ANKLE1: variants seen among roughly 807,000 people sequenced by gnomAD.
ANKLE1 encodes structure-specific endonuclease ANKLE1.
ANKLE1 carries 59 observed loss-of-function variants against 56.2 expected under a neutral mutation model. The ratio of observed to expected loss-of-function variants is 1.05; its 90% confidence interval spans 0.85 to 1.30. ANKLE1 has a LOEUF of 1.30. Among genes scored for constraint, ANKLE1 ranks in the 50% most tolerant of loss-of-function variants. The pLI, the probability that ANKLE1 is intolerant of heterozygous loss-of-function variation, is 0.00. For synonymous variants in ANKLE1, 341 were observed against 352.9 expected (o/e 0.97, Z 0.38); for missense variants, 771 against 816.1 (o/e 0.94, Z 0.67).
chr19:17,282,931 A>G lies in ANKLE1; in HGVS notation c.389A>G (p.Asp130Gly). 1 of 1,572,142 alleles carries G rather than the reference A, an allele frequency of 6.4e-7. No individual in the cohort carries two copies. The highest frequency in any genetic ancestry group is 8.6e-7 in the Non-Finnish European group (1 of 1,164,998). The change falls in exon 4 of 9, where the codon GAT (aspartate) becomes GGT (glycine). Residue 130 changes from aspartate (D) to glycine (G), a missense_variant. Coordinates refer to ENST00000404085, the MANE Select transcript of ANKLE1 (RefSeq NM_152363.6). ...GHLECARVLQDLDTRTRTRTR... is the reference protein window; with the variant it reads ...GHLECARVLQGLDTRTRTRTR... Reference sequence around the variant, plus strand: ...CTGGAGTGCGCGCGAGTCCTGCAGGATCTCGACACGCGGACCAGGACCCGG... The same window carrying G: ...CTGGAGTGCGCGCGAGTCCTGCAGGGTCTCGACACGCGGACCAGGACCCGG...
rs1220384463 is a variant in ANKLE1, at chr19:17,283,016, G to T, written c.460+14G>T. 1.9e-6 allele frequency: 3 copies of T among 1,554,472 alleles called. No homozygotes were observed. The highest frequency in any genetic ancestry group is 1.4e-5 in the African/African-American group (1 of 73,862). On this transcript the variant is annotated intron_variant, in intron 4 of 8. Transcript: ENST00000404085. ...CTGCACCTGGCAGTGAGTAGGGCCT[G>T]CAGGGCTGCTGGGGCTTGACTTCTG... is the stretch of plus-strand genomic sequence containing the variant.
At chr19:17,285,949 A>G (rs939918730) in intron 8 of ANKLE1, 130 bp downstream of exon 8, 10 of 1,295,630 alleles carry the variant, frequency 7.7e-6, no homozygotes, top group East Asian at 2.5e-5. Flanking sequence ...TTGAACCTGC[A>G]CATGCATGTA....
At chr19:17,284,405 C>T (rs561796820) in intron 6 of ANKLE1, 139 bp downstream of exon 6, 75 of 953,906 alleles carry the variant, frequency 7.9e-5, no homozygotes, top group South Asian at 1.4e-4. Flanking sequence ...TTTTTTAAGA[C>T]GGAGTTTCAC....
rs149727291 is a variant in ANKLE1 at position 17,285,534 on chromosome 19, C to T, written c.1480C>T (p.Arg494Trp). ...IFYVGKGTRA[R>W]PYVHLWEALG... is the part of the protein sequence containing the mutation. ...CTACGTGGGCAAAGGGACGAGGGCC[C>T]GGCCATATGTCCACCTCTGGGAGGC... Residue 494 changes from arginine (R) to tryptophan (W), a missense_variant, in exon 7 of 9, where the codon CGG (arginine) becomes TGG (tryptophan). Physicochemically the swap from Arg to Trp is moderately radical, Grantham distance 101. Transcript: ENST00000404085. 158 of 1,613,798 alleles carry T rather than the reference C, an allele frequency of 9.8e-5. No homozygotes were observed. Among genetic ancestry groups the T allele is most frequent in the African/African-American group, 5.7e-4 (43 of 74,900 alleles).
Position 17,283,910 on chromosome 19 carries a change from C to T in ANKLE1, c.1146C>T (p.Pro382=). 1 of 1,612,378 alleles carries T rather than the reference C, an allele frequency of 6.2e-7. No individual in the cohort carries two copies. Among genetic ancestry groups the T allele is most frequent in the South Asian group, 1.1e-5 (1 of 91,028 alleles). Residue 382 remains proline (P), a synonymous_variant, in exon 5 of 9, where the codon CCC becomes CCT. Coordinates refer to ENST00000404085, the MANE Select transcript of ANKLE1 (RefSeq NM_152363.6). ...ALGENPHPIT[P]FTRQLYHQQL... is the part of the protein sequence containing the mutation. The stretch of plus-strand genomic sequence containing the variant: ...GTGAGAATCCTCACCCCATCACACC[C>T]TTCACCAGGCAGTTGTACCACCAGC...
rs143197058 is a variant in ANKLE1, at chr19:17,283,589, G to A, written c.825G>A (p.Leu275=). The A allele has an allele frequency of 9.9e-6, 16 of 1,612,104 alleles. No individual in the cohort carries two copies. In the African/African-American group the frequency reaches 2.0e-4, roughly 20 times the overall value. ...CGGAGGCAGAACTGAATGCCCGTCT[G>A]CAGGCCCTGACTCTGACCCCACCAA... ...QGTEAELNAR[L]QALTLTPPNA... is the part of the protein sequence containing the mutation. Residue 275 remains leucine (L), a synonymous_variant, in exon 5 of 9, where the codon CTG becomes CTA. Coordinates refer to ENST00000404085, the MANE Select transcript of ANKLE1 (RefSeq NM_152363.6).
chr19:17,284,369 A>G (rs2074009409), intron 6 of ANKLE1, 103 bp downstream of exon 6: 1 of 1,137,918 alleles, frequency 8.8e-7, no homozygotes, highest in African/African-American at 1.6e-5. Context: ...TAGAATCATC[A>G]GCTGCTTCTT....
Position 17,286,399 on chromosome 19 carries a change from C to T in ANKLE1, c.1695C>T (p.Asn565=), listed in dbSNP as rs113606251. The change falls in exon 9 of 9, where the codon AAC becomes AAT. Residue 565 remains asparagine, a synonymous_variant. Coordinates refer to ENST00000404085, the MANE Select transcript of ANKLE1 (RefSeq NM_152363.6). ...CTCCAGGGATCCAGACGCTCACCAA[C>T]CAGAAGCAAGGGCACTGCTATGGAG... ...VEALGIQTLT[N]QKQGHCYGVV... is the part of the protein sequence containing the mutation. 67 of 1,578,036 alleles carry T rather than the reference C, an allele frequency of 4.2e-5. No individual in the cohort carries two copies. The African/African-American group carries it at 8.1e-4, about 19-fold the overall frequency.
Position 17,283,973 on chromosome 19 carries a change from C to T in ANKLE1, c.1198+11C>T. 6.3e-7 allele frequency: 1 copy of T among 1,597,458 alleles called. No individual in the cohort carries two copies. The highest frequency in any genetic ancestry group is 2.2e-5 in the East Asian group (1 of 44,690). Reference sequence around the variant, plus strand: ...CCCAGATTGCTCCTGGTTAGTCTTCCCAGGGCACATGGAGTCCAGGGAGCC... The same window carrying T: ...CCCAGATTGCTCCTGGTTAGTCTTCTCAGGGCACATGGAGTCCAGGGAGCC... On this transcript the variant is annotated intron_variant, in intron 5 of 8. Transcript: ENST00000404085.
Position 17,285,743 on chromosome 19 carries a change from T to C in ANKLE1, c.1599T>C (p.Val533=). The change falls in exon 8 of 9, where the codon GTT becomes GTC. Residue 533 remains valine (V), a synonymous_variant. Transcript: ENST00000404085. ...ACATCTGGGCCAGTGGTTGCGGTGT[T>C]GTGTCCCTACATTGCTTCCAGCACG... The part of the protein sequence containing the change: ...ILDIWASGCG[V]VSLHCFQHVV... 6.2e-7 allele frequency: 1 copy of C among 1,613,944 alleles called. No homozygotes were observed. The highest frequency in any genetic ancestry group is 8.5e-7 in the Non-Finnish European group (1 of 1,179,876).
chr19:17,284,575 G>A (rs2074012019), intron 6 of ANKLE1, among the ~76,000 whole-genome samples: 3 of 151,628 alleles, frequency 2.0e-5, no homozygotes, highest in African/African-American at 7.3e-5. Flanking sequence ...GTAGAGACGA[G>A]GTTTCACCAT....
At chr19:17,282,491 G>A (rs1189878399) in intron 2 of ANKLE1, 165 bp from the exon 3 acceptor site, 3 of 863,550 alleles carry the variant, frequency 3.5e-6, no homozygotes, top group Admixed American at 4.3e-5. Context: ...AGAGGTTTGG[G>A]TCCTGGCCTG....
rs111235808 is a variant in ANKLE1 at position 17,283,256 on chromosome 19, G to T, written c.492G>T (p.Thr164=). ...TPGLSGPTDE[T]LDSIALQKQP... ...GCCTCTCTGGACCTACCGATGAGAC[G>T]CTGGACTCCATAGCACTCCAAAAGC... The change falls in exon 5 of 9, where the codon ACG becomes ACT. Residue 164 remains threonine, a synonymous_variant. Coordinates refer to ENST00000404085, the MANE Select transcript of ANKLE1 (RefSeq NM_152363.6). The T allele has an allele frequency of 1.1e-5, 18 of 1,612,722 alleles. No individual in the cohort carries two copies. Among genetic ancestry groups the T allele is most frequent in the Non-Finnish European group, 1.4e-5 (17 of 1,179,414 alleles).
chr19:17,286,670 G>T lies in ANKLE1; in HGVS notation c.*118G>T, dbSNP rs11880549. 0.21 allele frequency: 234,908 copies of T among 1,097,546 alleles called. 5,894 individuals are homozygous for T. The highest frequency in any genetic ancestry group is 0.37 in the African/African-American group (22,107 of 60,324). 68.0% of individuals were successfully genotyped at this position (1,097,546 alleles called of 1,614,324 possible). On this transcript the variant is annotated 3_prime_UTR_variant, in exon 9 of 9. Coordinates refer to ENST00000404085, the MANE Select transcript of ANKLE1 (RefSeq NM_152363.6). Reference sequence around the variant, plus strand: ...GGGGTGTGTGTGTGTGTGTGTGTGTGTGTGTGTGTGTGTGTGTGTGTTTGT... The same window carrying T: ...GGGGTGTGTGTGTGTGTGTGTGTGTTTGTGTGTGTGTGTGTGTGTGTTTGT...
At chr19:17,284,911 G>A (rs12710307) in intron 6 of ANKLE1, among the ~76,000 whole-genome samples, 126,067 of 151,312 alleles carry the variant, frequency 0.83, 53,224 homozygotes, top group African/African-American at 0.88. Context: ...CTGGTCTTGA[G>A]CTCCCAGCCT....
In ANKLE1 at chr19:17,285,453, C is replaced by G; in HGVS notation, c.1399C>G (p.Arg467Gly). 1 of 1,613,762 alleles carries G rather than the reference C, an allele frequency of 6.2e-7. No homozygotes were observed. The highest frequency in any genetic ancestry group is 8.5e-7 in the Non-Finnish European group (1 of 1,179,868). ...CAGGGAGACTCAGGACCTGCCAGCCCGAGCCTTCTCACTGACCCCAGCTGA... is the reference window on the plus strand; with the variant it reads ...CAGGGAGACTCAGGACCTGCCAGCCGGAGCCTTCTCACTGACCCCAGCTGA... Reference protein sequence around the residue: ...DPRETQDLPARAFSLTPAERL... With the variant: ...DPRETQDLPAGAFSLTPAERL... Residue 467 changes from arginine (R) to glycine (G), a missense_variant, in exon 7 of 9, where the codon CGA becomes GGA. Transcript: ENST00000404085.
Position 17,282,118 on chromosome 19 carries a change from G to C in ANKLE1, c.124G>C (p.Ala42Pro). 2.6e-6 allele frequency: 4 copies of C among 1,541,618 alleles called. No individual in the cohort carries two copies. In the South Asian group the frequency reaches 4.8e-5, roughly 18 times the overall value. Residue 42 changes from alanine (A) to proline (P), a missense_variant, in exon 2 of 9, where the codon GCG becomes CCG. Ala to Pro is a conservative substitution (Grantham distance 27). Transcript: ENST00000404085. Reference protein sequence around the residue: ...DPNLVLEDGAAAVHLAAGARH... With the variant: ...DPNLVLEDGAPAVHLAAGARH... ...TAATTTGGTGCTAGAGGACGGCGCA[G>C]CGGCTGTGCACTTGGCGGCCGGAGC...
rs1280716073 is a variant in ANKLE1 at position 17,282,126 on chromosome 19, G to A, written c.132G>A (p.Val44=). 3 of 1,540,352 alleles carry A rather than the reference G, an allele frequency of 1.9e-6. No individual in the cohort carries two copies. Among genetic ancestry groups the A allele is most frequent in the Non-Finnish European group, 2.6e-6 (3 of 1,145,950 alleles). The change falls in exon 2 of 9, where the codon GTG becomes GTA. Residue 44 remains valine, a synonymous_variant. Transcript: ENST00000404085. ...TGCTAGAGGACGGCGCAGCGGCTGT[G>A]CACTTGGCGGCCGGAGCCCGGCACC... The part of the protein sequence containing the change: ...NLVLEDGAAA[V]HLAAGARHPR...
At chr19:17,285,383 G>T (rs746546757) in intron 6 of ANKLE1, 48 bp from the exon 7 acceptor site, 1 of 1,608,868 alleles carries the variant, frequency 6.2e-7, no homozygotes, top group Non-Finnish European at 8.5e-7. Context: ...CTGCCTCTGG[G>T]GACCACTGTA....
Sources: gnomAD v4.1 joint callset for allele counts (sites outside exome capture counted in the v4.1 genomes callset) on GRCh38, gnomAD v4.1.1 for gene constraint, MANE v1.5 for transcripts, NCBI Gene and HGNC (gene_info 2026-07-23, HGNC 2026-07-21) for gene names.